SKOR2: variants seen among roughly 807,000 people sequenced by gnomAD.
The protein encoded by SKOR2 is LBX1 corepressor 1-like protein.
A neutral mutation model predicts 69.1 loss-of-function variants in SKOR2; 47 were observed. That is an observed-to-expected ratio of 0.68 (90% CI 0.54 to 0.87). The LOEUF (loss-of-function observed/expected upper bound fraction) is 0.87, where lower values mean the gene tolerates loss of function less well. Ranked by LOEUF, SKOR2 falls within the 40% of genes least tolerant of loss-of-function variation. The probability of loss-of-function intolerance (pLI) is 0.00; values close to 1 mark genes in which losing one functional copy is unlikely to be tolerated. For synonymous variants in SKOR2, 717 were observed against 672.6 expected, an observed-to-expected ratio of 1.07 and a Z score of -1.02; for missense variants, 1,404 against 1,472.2, an observed-to-expected ratio of 0.95 and a Z score of 0.76.
At chr18:47,223,682 A>G (rs1232334026) in intron 6 of SKOR2, among the ~76,000 whole-genome samples, 1 of 152,148 alleles carries the variant, frequency 6.6e-6, no homozygotes, top group African/African-American at 2.4e-5. Context: ...ATTACATTTC[A>G]TTTTGTTTTA....
At chr18:47,218,237 C>A (rs1023397030) in intron 7 of SKOR2, among the ~76,000 whole-genome samples, 1 of 152,078 alleles carries the variant, frequency 6.6e-6, no homozygotes, top group African/African-American at 2.4e-5. Flanking sequence ...CTCACCACCA[C>A]CCCCTGAAAT....
Position 47,248,866 on chromosome 18 carries a change from C to T in SKOR2, c.318G>A (p.Gly106=), listed in dbSNP as rs1006089738. Residue 106 remains glycine (G), a synonymous_variant, in exon 2 of 9, where the codon GGG becomes GGA. Transcript: ENST00000425639. The surrounding 1 kb of genome is among the most constrained non-coding windows in gnomAD (Gnocchi z 6.4). The part of the protein sequence containing the change: ...PVQLEILRRA[G]AMPISSRRCG... ...AGCGGCGCGATGAGATGGGCATGGC[C>T]CCGGCACGCCGCAGGATCTCCAGTT... 2 of 1,565,552 alleles carry T rather than the reference C, an allele frequency of 1.3e-6. No individual in the cohort carries two copies. Among genetic ancestry groups the T allele is most frequent in the Non-Finnish European group, 1.7e-6 (2 of 1,163,306 alleles).
At chr18:47,227,931 T>C (rs1297495931) in intron 6 of SKOR2, among the ~76,000 whole-genome samples, 2 of 152,226 alleles carry the variant, frequency 1.3e-5, no homozygotes, top group Non-Finnish European at 2.9e-5. Context: ...ATGCTACAGC[T>C]CCTAGCCTAG....
intron 4 of SKOR2, among the ~76,000 whole-genome samples, chr18:47,236,421 A>G (rs906866495): frequency 2.6e-5 from 4 of 152,152 alleles, no homozygotes; most frequent in African/African-American, 4.8e-5. Flanking sequence ...ATGCCATCCA[A>G]GTCTTTTCTT....
chr18:47,235,405 G>A (rs998476742), intron 4 of SKOR2, among the ~76,000 whole-genome samples: 1 of 152,070 alleles, frequency 6.6e-6, no homozygotes, highest in East Asian at 1.9e-4. Context: ...GCTTAGGAAG[G>A]TGTCCACACC....
intron 6 of SKOR2, among the ~76,000 whole-genome samples, chr18:47,226,397 C>G (rs1456624424): frequency 6.6e-6 from 1 of 152,116 alleles, no homozygotes; most frequent in African/African-American, 2.4e-5. Flanking sequence ...ACATGATTTT[C>G]ATTGCAAAAC....
intron 4 of SKOR2, among the ~76,000 whole-genome samples, chr18:47,233,219 C>T (rs1440091397): frequency 6.6e-6 from 1 of 152,190 alleles, no homozygotes; most frequent in East Asian, 1.9e-4. Flanking sequence ...TAGCCTCATT[C>T]TCATTCTCAT....
At chr18:47,224,736 T>A (rs986868125) in intron 6 of SKOR2, among the ~76,000 whole-genome samples, 7 of 152,006 alleles carry the variant, frequency 4.6e-5, no homozygotes, top group African/African-American at 1.7e-4. Flanking sequence ...CATCTCTGCC[T>A]CCTTAGTAGC....
Position 47,246,851 on chromosome 18 carries a change from C to T in SKOR2, c.2333G>A (p.Gly778Asp). ...CCGGCCGCCCCCGACTAAGGGGTCG[C>T]CGAGTAGGACCTCCGTCTCCTCGTC... is the stretch of plus-strand genomic sequence containing the variant. ...EEDEETEVLL[G>D]DPLVGGGRFL... The change falls in exon 2 of 9, where the codon GGC (glycine) becomes GAC (aspartate). Residue 778 changes from glycine (G) to aspartate (D), a missense_variant. Transcript: ENST00000425639. 6.7e-7 allele frequency: 1 copy of T among 1,483,556 alleles called. No homozygotes were observed. Among genetic ancestry groups the T allele is most frequent in the Non-Finnish European group, 8.9e-7 (1 of 1,122,726 alleles). The allele number at this position is 1,483,556 out of a possible 1,614,324, so 91.9% of individuals were successfully genotyped here.
chr18:47,240,782 A>ATCTT (rs1179068566), intron 4 of SKOR2, among the ~76,000 whole-genome samples: 1 of 152,212 alleles, frequency 6.6e-6, no homozygotes, highest in Non-Finnish European at 1.5e-5. Flanking sequence ...ATAGGTCTAT[A>ATCTT]TCTTTGTTCA....
chr18:47,229,451 C>T (rs1031750665), intron 6 of SKOR2, among the ~76,000 whole-genome samples: 11 of 152,130 alleles, frequency 7.2e-5, no homozygotes, highest in South Asian at 2.1e-4. Flanking sequence ...GTCAGGAGTT[C>T]GAGACCTGCC....
At chr18:47,227,682 G>A (rs1568085933) in intron 6 of SKOR2, among the ~76,000 whole-genome samples, 1 of 152,170 alleles carries the variant, frequency 6.6e-6, no homozygotes, top group Non-Finnish European at 1.5e-5. Flanking sequence ...AGAGCTCAGT[G>A]CTGTTCCTCT....
intron 6 of SKOR2, among the ~76,000 whole-genome samples, chr18:47,226,333 G>A (rs2064178567): frequency 6.6e-6 from 1 of 152,090 alleles, no homozygotes; most frequent in South Asian, 2.1e-4. Context: ...GAGTGAGGGA[G>A]TTTGGAATGG....
Position 47,247,178 on chromosome 18 carries a change from GGGTGGTGGT to G in SKOR2, c.1997_2005del (p.His666_His668del), listed in dbSNP as rs568565349. On this transcript the variant is annotated inframe_deletion, in exon 2 of 9. Coordinates refer to ENST00000425639, the MANE Select transcript of SKOR2 (RefSeq NM_001278063.4). The surrounding 1 kb of genome is among the most constrained non-coding windows in gnomAD (Gnocchi z 6.6). ...CAGAAGCGGCGACGGCGGCTGCGGG[GGGTGGTGGT>G]GGTGGTGGTGGTGGTGAGGGTGGTG... 33 of 1,279,028 alleles carry G rather than the reference GGGTGGTGGT, an allele frequency of 2.6e-5. No individual in the cohort carries two copies. The highest frequency in any genetic ancestry group is 3.2e-5 in the East Asian group (1 of 31,294). 79.2% of individuals were successfully genotyped at this position (1,279,028 alleles called of 1,614,324 possible). A position where few individuals can be genotyped will look rare whatever the true frequency, so the allele number is the denominator to read the frequency against.
rs371202595 is a variant in SKOR2, at chr18:47,248,839, G to T, written c.345C>A (p.Cys115Ter). The T allele has an allele frequency of 1.3e-6, 2 of 1,560,624 alleles. No individual in the cohort carries two copies. Among genetic ancestry groups the T allele is most frequent in the Non-Finnish European group, 8.6e-7 (1 of 1,160,898 alleles). Reference sequence around the variant, plus strand: ...CGGCCTCGCGTTTGGTGATCATGCCGCAGCGGCGCGATGAGATGGGCATGG... The same window carrying T: ...CGGCCTCGCGTTTGGTGATCATGCCTCAGCGGCGCGATGAGATGGGCATGG... ...AGAMPISSRR[C>*]GMITKREAER... Residue 115 changes from cysteine to a stop codon, truncating the protein, a stop_gained, in exon 2 of 9, where the codon TGC (cysteine) becomes TGA (stop). Coordinates refer to ENST00000425639, the MANE Select transcript of SKOR2 (RefSeq NM_001278063.4). LOFTEE classifies it high-confidence loss of function. This position sits in a 1 kb window ranked among gnomAD's most constrained non-coding sequence, Gnocchi z 6.4.
intron 6 of SKOR2, among the ~76,000 whole-genome samples, chr18:47,228,472 A>T (rs1383150869): frequency 6.6e-6 from 1 of 152,218 alleles, no homozygotes; most frequent in African/African-American, 2.4e-5. Flanking sequence ...TGAAAAATAT[A>T]AATTATTATG....
At chr18:47,242,875 CT>C (rs2064255011) in intron 4 of SKOR2, among the ~76,000 whole-genome samples, 1 of 152,050 alleles carries the variant, frequency 6.6e-6, no homozygotes, top group South Asian at 2.1e-4. Context: ...TAAAGCTTGT[CT>C]TAATACTGGT....
At position 47,248,419 on chromosome 18, in the gene SKOR2, C is replaced by T. The variant is rs1308734750; in HGVS notation, c.765G>A (p.Pro255=). The stretch of plus-strand genomic sequence containing the variant: ...CGGCGGCCGCCTTCACAGAGCTGAG[C>T]GGGTGGCAGGCGGGGTGCGCGCCCG... ...PQPGAHPACH[P]LSSVKAAAVA... Residue 255 remains proline (P), a synonymous_variant, in exon 2 of 9, where the codon CCG becomes CCA. Coordinates refer to ENST00000425639, the MANE Select transcript of SKOR2 (RefSeq NM_001278063.4). The surrounding 1 kb of genome is among the most constrained non-coding windows in gnomAD (Gnocchi z 6.4). 6.5e-7 allele frequency: 1 copy of T among 1,526,954 alleles called. No homozygotes were observed. The highest frequency in any genetic ancestry group is 8.8e-7 in the Non-Finnish European group (1 of 1,141,924). 94.6% of individuals were successfully genotyped at this position (1,526,954 alleles called of 1,614,324 possible).
intron 4 of SKOR2, 145 bp downstream of exon 4, chr18:47,244,763 C>T (rs2144511892): frequency 1.6e-6 from 1 of 626,182 alleles, no homozygotes; most frequent in Non-Finnish European, 2.6e-6. Flanking sequence ...TCACTGCTTC[C>T]CCATTTGTGT....
Sources: allele counts gnomAD v4.1 joint callset (sites outside exome capture counted in the v4.1 genomes callset), GRCh38; gene constraint gnomAD v4.1.1; non-coding constraint Gnocchi (gnomAD v3.1); transcripts MANE v1.5; gene names NCBI Gene and HGNC (gene_info 2026-07-23, HGNC 2026-07-21).